OPRPN: variants seen among roughly 807,000 people sequenced by gnomAD.
OPRPN encodes the protein opiorphin prepropeptide.
A neutral mutation model predicts 2.2 loss-of-function variants in OPRPN; 1 was observed. The ratio of observed to expected loss-of-function variants is 0.45; its 90% CI spans 0.16 to 2.15. The LOEUF is 2.15. Ranked by LOEUF, OPRPN falls within the 30% of genes most tolerant of loss-of-function variation. The pLI, the probability that OPRPN is intolerant of heterozygous loss-of-function variation, is 0.28. For synonymous variants in OPRPN, 126 were observed against 111.5 expected (o/e 1.13, Z -0.82); for missense variants, 306 against 297.3 (o/e 1.03, Z -0.21).
intron 1 of OPRPN, among the ~76,000 whole-genome samples, chr4:70,398,457 G>A (rs1732905967): frequency 6.6e-6 from 1 of 151,754 alleles, no homozygotes; most frequent in Non-Finnish European, 1.5e-5. Context: ...CTATTTTAAG[G>A]GGGTAGACAC....
At chr4:70,398,243 G>T (rs1008041516) in intron 1 of OPRPN, among the ~76,000 whole-genome samples, 2 of 151,664 alleles carry the variant, frequency 1.3e-5, no homozygotes, top group Non-Finnish European at 2.9e-5. Flanking sequence ...CATTCATATT[G>T]ATTAGTTGCA....
intron 1 of OPRPN, among the ~76,000 whole-genome samples, chr4:70,398,772 A>G (rs916967081): frequency 1.3e-5 from 2 of 151,940 alleles, no homozygotes; most frequent in Admixed American, 1.3e-4. Flanking sequence ...AAAAATACAC[A>G]TTACATGGTT....
Position 70,398,505 on chromosome 4 carries a change from C to T in OPRPN, c.-16+465C>T, listed in dbSNP as rs547574092. The stretch of plus-strand genomic sequence containing the variant: ...CTATAGGATCTGTCAACCTGTCTTA[C>T]ATCACTTTCAAGGCTAATGCCAATG... On this transcript the variant is annotated intron_variant, in intron 1 of 2. Transcript: ENST00000399575. 4.8e-4 allele frequency among the ~76,000 whole-genome samples: 73 copies of T among 152,022 alleles called. 1 individual carries two copies. The highest frequency in any genetic ancestry group is 8.1e-4 in the Non-Finnish European group (55 of 67,868).
In OPRPN at chr4:70,410,031, G is replaced by A. The variant is rs960461027; in HGVS notation, c.703G>A (p.Ala235Thr). The change falls in exon 3 of 3, where the codon GCC becomes ACC. Residue 235 changes from alanine to threonine, a missense_variant. Ala to Thr is a moderately conservative substitution (Grantham distance 58). Transcript: ENST00000399575. The part of the protein sequence containing the change: ...TSNQTILSSP[A>T]FKSFWQKLFA... ...CAACCAAACTATATTAAGCAGCCCA[G>A]CCTTTAAAAGTTTTTGGCAAAAACT... 2 of 1,567,782 alleles carry A rather than the reference G, an allele frequency of 1.3e-6. No homozygotes were observed. Among genetic ancestry groups the A allele is most frequent in the African/African-American group, 1.4e-5 (1 of 72,746 alleles).
chr4:70,407,716 G>A (rs1322404980), intron 2 of OPRPN, among the ~76,000 whole-genome samples: 1 of 152,114 alleles, frequency 6.6e-6, no homozygotes, highest in Admixed American at 6.5e-5. Flanking sequence ...TTATAGACAG[G>A]AAGAATACAG....
chr4:70,399,895 C>T (rs1290575095), intron 2 of OPRPN, among the ~76,000 whole-genome samples: 2 of 151,850 alleles, frequency 1.3e-5, no homozygotes, highest in African/African-American at 4.8e-5. Context: ...AATTAAAGTG[C>T]TACTCACTTG....
Position 70,410,165 on chromosome 4 carries a change from C to A in OPRPN, c.*90C>A. The A allele has an allele frequency of 3.3e-6, 3 of 913,848 alleles. No homozygotes were observed. Among genetic ancestry groups the A allele is most frequent in the Non-Finnish European group, 4.7e-6 (3 of 636,210 alleles). 56.6% of individuals were successfully genotyped at this position (913,848 alleles called of 1,614,324 possible). On this transcript the variant is annotated 3_prime_UTR_variant, in exon 3 of 3. Coordinates refer to ENST00000399575, the MANE Select transcript of OPRPN (RefSeq NM_021225.5). ...TTGATGGAACCAACCCTGATCTAAC[C>A]AGCACACTAAATAAAGTATTTGAGC...
At chr4:70,399,607 C>G in intron 2 of OPRPN, 1 of 264,694 alleles carries the variant, frequency 3.8e-6, no homozygotes. Flanking sequence ...AGAGATATCT[C>G]TTCCTTTTTA....
At chr4:70,400,518 T>C (rs1051461601) in intron 2 of OPRPN, among the ~76,000 whole-genome samples, 1 of 151,894 alleles carries the variant, frequency 6.6e-6, no homozygotes, top group Non-Finnish European at 1.5e-5. Context: ...TTAATAAGAA[T>C]GAACATTTCC....
In OPRPN at chr4:70,409,432, C is replaced by T. The variant is rs1733164599; in HGVS notation, c.104C>T (p.Pro35Leu). ...SRRPYLPGQL[P>L]PPPLYRPRWV... Reference sequence around the variant, plus strand: ...AGACCATATCTACCTGGCCAGCTGCCACCACCTCCACTCTACAGGCCAAGA... The same window carrying T: ...AGACCATATCTACCTGGCCAGCTGCTACCACCTCCACTCTACAGGCCAAGA... Residue 35 changes from proline to leucine, a missense_variant, in exon 3 of 3, where the codon CCA becomes CTA. Transcript: ENST00000399575. The T allele has an allele frequency of 6.2e-7, 1 of 1,613,956 alleles. No individual in the cohort carries two copies.
chr4:70,409,335 C>A, intron 2 of OPRPN, 45 bp from the exon 3 acceptor site: 2 of 1,473,922 alleles, frequency 1.4e-6, no homozygotes, highest in South Asian at 2.7e-5. Flanking sequence ...TTTAAATGAT[C>A]AAATTTAGAA....
In OPRPN at chr4:70,409,779, A is replaced by G; in HGVS notation, c.451A>G (p.Thr151Ala). 6.2e-7 allele frequency: 1 copy of G among 1,613,716 alleles called. No individual in the cohort carries two copies. The highest frequency in any genetic ancestry group is 8.5e-7 in the Non-Finnish European group (1 of 1,179,838). The change falls in exon 3 of 3, where the codon ACA (threonine) becomes GCA (alanine). Residue 151 changes from threonine (T) to alanine (A), a missense_variant. Physicochemically the swap from Thr to Ala is moderately conservative, Grantham distance 58. Coordinates refer to ENST00000399575, the MANE Select transcript of OPRPN (RefSeq NM_021225.5). Reference protein sequence around the residue: ...EPQINITTADTTITTNPPTTA... With the variant: ...EPQINITTADATITTNPPTTA... Reference sequence around the variant, plus strand: ...CCAAATAAACATCACCACCGCAGATACAACAATCACCACAAATCCCCCCAC... The same window carrying G: ...CCAAATAAACATCACCACCGCAGATGCAACAATCACCACAAATCCCCCCAC...
chr4:70,403,185 G>T (rs543735714), intron 2 of OPRPN, among the ~76,000 whole-genome samples: 2 of 152,264 alleles, frequency 1.3e-5, no homozygotes, highest in East Asian at 3.9e-4. Flanking sequence ...ACTTCAAGGG[G>T]TATATGACTG....
At position 70,409,389 on chromosome 4, in the gene OPRPN, A is replaced by T; in HGVS notation, c.61A>T (p.Ser21Cys). The change falls in exon 3 of 3, where the codon AGT becomes TGT. Residue 21 changes from serine to cysteine, a missense_variant. Physicochemically the swap from Ser to Cys is moderately radical, Grantham distance 112. Coordinates refer to ENST00000399575, the MANE Select transcript of OPRPN (RefSeq NM_021225.5). ...GTTTTTATCTCCACAGCCCAGTGAG[A>T]GTCAAAGATTCTCCAGAAGACCATA... The part of the protein sequence containing the change: ...ALISCFTPSE[S>C]QRFSRRPYLP... 1 of 1,605,578 alleles carries T rather than the reference A, an allele frequency of 6.2e-7. No individual in the cohort carries two copies. The highest frequency in any genetic ancestry group is 8.5e-7 in the Non-Finnish European group (1 of 1,175,842).
chr4:70,398,142 C>T (rs1354926934), intron 1 of OPRPN, 102 bp downstream of exon 1: 1 of 151,512 alleles, frequency 6.6e-6, no homozygotes, highest in Admixed American at 6.6e-5. Context: ...ATGGAAATAG[C>T]CTCGTTACCC....
Position 70,409,607 on chromosome 4 carries a change from T to C in OPRPN, c.279T>C (p.Ile93=), listed in dbSNP as rs756015373. 6.2e-7 allele frequency: 1 copy of C among 1,613,884 alleles called. No homozygotes were observed. Residue 93 remains isoleucine, a synonymous_variant, in exon 3 of 3, where the codon ATT becomes ATC. Coordinates refer to ENST00000399575, the MANE Select transcript of OPRPN (RefSeq NM_021225.5). ...CTCAACTCTTTCCATTGGAATCTAT[T>C]AGACAACCTCGACTCTTTCCGGGTT... ...ILSQLFPLES[I]RQPRLFPGYP... is the part of the protein sequence containing the mutation.
chr4:70,408,025 G>A (rs1404994260), intron 2 of OPRPN, among the ~76,000 whole-genome samples: 2 of 152,144 alleles, frequency 1.3e-5, no homozygotes, highest in Non-Finnish European at 2.9e-5. Context: ...GAAAATGGGA[G>A]GAAATGATTT....
chr4:70,405,789 C>T (rs929557565), intron 2 of OPRPN, among the ~76,000 whole-genome samples: 5 of 152,118 alleles, frequency 3.3e-5, no homozygotes, highest in Admixed American at 2.0e-4. Context: ...CTTGGCCAGG[C>T]ATGGTGGCTC....
chr4:70,409,370 A>G lies in OPRPN; in HGVS notation c.52-10A>G. 1 of 1,564,302 alleles carries G rather than the reference A, an allele frequency of 6.4e-7. No homozygotes were observed. Among genetic ancestry groups the G allele is most frequent in the Non-Finnish European group, 8.6e-7 (1 of 1,160,222 alleles). On this transcript the variant is annotated splice_polypyrimidine_tract_variant and intron_variant, in intron 2 of 2. Transcript: ENST00000399575. ...AATTTTGTTTTTTACCTTTGTTTTTATCTCCACAGCCCAGTGAGAGTCAAA... is the reference window on the plus strand; with the variant it reads ...AATTTTGTTTTTTACCTTTGTTTTTGTCTCCACAGCCCAGTGAGAGTCAAA...
Sources: allele counts gnomAD v4.1 joint callset (sites outside exome capture counted in the v4.1 genomes callset), GRCh38; gene constraint gnomAD v4.1.1; transcripts MANE v1.5; gene names NCBI Gene and HGNC (gene_info 2026-07-23, HGNC 2026-07-21).